USP12: variants seen among roughly 807,000 people sequenced by gnomAD.
USP12 encodes the protein ubiquitin carboxyl-terminal hydrolase 12.
In USP12, 19 loss-of-function variants were observed where a neutral mutation model predicts 45.5. The ratio of observed to expected loss-of-function variants is 0.42; its 90% CI spans 0.29 to 0.61. The LOEUF (loss-of-function observed/expected upper bound fraction) is 0.61. Ranked by LOEUF, USP12 falls within the 20% of genes least tolerant of loss-of-function variation. The probability of loss-of-function intolerance (pLI) is 0.22; values close to 1 mark genes in which losing one functional copy is unlikely to be tolerated. For missense variants in USP12, 242 were observed against 447.7 expected (o/e 0.54, Z 4.15); for synonymous variants, 149 against 148.8 (o/e 1.00, Z -0.01).
intron 1 of USP12, among the ~76,000 whole-genome samples, chr13:27,120,487 T>C (rs1026484339): frequency 1.1e-4 from 17 of 152,020 alleles, no homozygotes; most frequent in African/African-American, 2.9e-4. Flanking sequence ...ACCCCATCTC[T>C]ATTAAAAATA....
At chr13:27,071,269 T>A in intron 7 of USP12, 120 bp from the exon 8 acceptor site, 1 of 780,796 alleles carries the variant, frequency 1.3e-6, no homozygotes, top group Non-Finnish European at 2.0e-6. Flanking sequence ...GAACTGCTTC[T>A]TTTTTATACC....
chr13:27,072,802 G>A (rs1873305014), intron 7 of USP12, among the ~76,000 whole-genome samples: 1 of 152,130 alleles, frequency 6.6e-6, no homozygotes, highest in African/African-American at 2.4e-5. Context: ...CTTCTAGGCT[G>A]GGCACCGGGG....
intron 1 of USP12, among the ~76,000 whole-genome samples, chr13:27,151,957 C>T (rs961230994): frequency 2.6e-5 from 4 of 152,054 alleles, no homozygotes; most frequent in African/African-American, 9.7e-5. Context: ...AAATGAGATA[C>T]CACCTCACAC....
chr13:27,132,661 G>C (rs1239200703), intron 1 of USP12, among the ~76,000 whole-genome samples: 2 of 152,146 alleles, frequency 1.3e-5, no homozygotes, highest in Non-Finnish European at 2.9e-5. Context: ...AAGATCGTTG[G>C]TTTCAAGTTC....
chr13:27,072,149 T>C (rs944120670), intron 7 of USP12, among the ~76,000 whole-genome samples: 1 of 152,084 alleles, frequency 6.6e-6, no homozygotes, highest in Non-Finnish European at 1.5e-5. Context: ...AACTTTTTCT[T>C]AAAAAAGCAT....
At chr13:27,139,500 C>T (rs958701636) in intron 1 of USP12, among the ~76,000 whole-genome samples, 1 of 152,100 alleles carries the variant, frequency 6.6e-6, no homozygotes, top group African/African-American at 2.4e-5. Context: ...CCTGTGGTCC[C>T]GGCTACTCAG....
At position 27,066,203 on chromosome 13, in the gene USP12, C is replaced by G. The variant is rs1872983948; in HGVS notation, c.*3080G>C. 1 of 152,158 alleles carries G rather than the reference C, an allele frequency of 6.6e-6. No individual in the cohort carries two copies. The highest frequency in any genetic ancestry group is 2.1e-4 in the South Asian group (1 of 4,830). 9.4% of individuals were successfully genotyped at this position (152,158 alleles called of 1,614,324 possible). A position where few individuals can be genotyped will look rare whatever the true frequency, so the allele number is the denominator to read the frequency against. On this transcript the variant is annotated 3_prime_UTR_variant, in exon 9 of 9. Transcript: ENST00000282344. ...GATATTATTTTGTATTTATATAGTG[C>G]CTTCTTCAAGAACCTTAAATGCTTT...
chr13:27,083,306 T>C (rs1873850073), intron 6 of USP12, among the ~76,000 whole-genome samples: 1 of 152,124 alleles, frequency 6.6e-6, no homozygotes, highest in African/African-American at 2.4e-5. Flanking sequence ...ACACATGCTG[T>C]TGGAAAAATG....
intron 3 of USP12, among the ~76,000 whole-genome samples, chr13:27,102,211 T>C (rs1017087703): frequency 5.3e-5 from 8 of 152,194 alleles, no homozygotes; most frequent in African/African-American, 1.4e-4. Context: ...AACAGTCCAG[T>C]TGAGGGTCAA....
intron 3 of USP12, among the ~76,000 whole-genome samples, chr13:27,097,250 G>A (rs558082890): frequency 6.6e-6 from 1 of 151,456 alleles, no homozygotes; most frequent in South Asian, 2.1e-4. Context: ...TGGATCACCT[G>A]AGGTAAAGAG....
intron 6 of USP12, chr13:27,077,313 A>G (rs1873534554): frequency 1.3e-5 from 2 of 152,214 alleles, no homozygotes; most frequent in Non-Finnish European, 2.9e-5. Context: ...TGGTAGATGC[A>G]AAAGAAGAAT....
chr13:27,094,868 C>A (rs1217741135), intron 4 of USP12, among the ~76,000 whole-genome samples: 1 of 152,042 alleles, frequency 6.6e-6, no homozygotes, highest in African/African-American at 2.4e-5. Context: ...ACATGACTGG[C>A]CGGGCATAAT....
At chr13:27,088,644 A>C (rs761517954) in intron 6 of USP12, among the ~76,000 whole-genome samples, 9 of 152,164 alleles carry the variant, frequency 5.9e-5, no homozygotes, top group Non-Finnish European at 2.9e-5. Context: ...ACTAGCCCCA[A>C]ATAAAAACTC....
rs566361056 is a variant in USP12, at chr13:27,161,899, A to T, written c.48+9693T>A. Among the ~76,000 whole-genome samples, 85 of 151,326 alleles carry T rather than the reference A, an allele frequency of 5.6e-4. No homozygotes were observed. In the South Asian group the frequency reaches 8.6e-3, roughly 15 times the overall value. On this transcript the variant is annotated intron_variant, in intron 1 of 8. Coordinates refer to ENST00000282344, the MANE Select transcript of USP12 (RefSeq NM_182488.4). ...TCTGTCTCAAAAAATAAAAAAAAAT[A>T]AAAAAAAATTAAAAAGCCACTCATT...
chr13:27,168,685 A>C (rs544946207), intron 1 of USP12, among the ~76,000 whole-genome samples: 1 of 152,322 alleles, frequency 6.6e-6, no homozygotes, highest in East Asian at 1.9e-4. Context: ...ACTGCAATCT[A>C]AACATAATCA....
chr13:27,100,148 GAA>G (rs1874800971), intron 3 of USP12, among the ~76,000 whole-genome samples: 2 of 152,228 alleles, frequency 1.3e-5, no homozygotes, highest in South Asian at 4.1e-4. Context: ...CCACCAATTG[GAA>G]AAGTCTAGAC....
chr13:27,083,618 T>C (rs574120614), intron 6 of USP12, among the ~76,000 whole-genome samples: 1 of 152,302 alleles, frequency 6.6e-6, no homozygotes, highest in South Asian at 2.1e-4. Flanking sequence ...CTATCTTTCC[T>C]GAACTGCACT....
intron 6 of USP12, among the ~76,000 whole-genome samples, chr13:27,075,731 A>T (rs1249621377): frequency 1.3e-5 from 2 of 152,110 alleles, no homozygotes. Context: ...CGGGGTGCTC[A>T]AGAGTGGTAG....
chr13:27,088,273 G>A (rs985875710), intron 6 of USP12, among the ~76,000 whole-genome samples: 7 of 151,990 alleles, frequency 4.6e-5, no homozygotes, highest in Admixed American at 1.3e-4. Context: ...AAAATTAGCC[G>A]GGCGTGGTGG....
Sources: gnomAD v4.1 joint callset for allele counts (sites outside exome capture counted in the v4.1 genomes callset) on GRCh38, gnomAD v4.1.1 for gene constraint, MANE v1.5 for transcripts, NCBI Gene and HGNC (gene_info 2026-07-23, HGNC 2026-07-21) for gene names.